EXOC4: variants seen among roughly 807,000 people sequenced by gnomAD.
EXOC4 encodes the protein exocyst complex component 4.
In EXOC4, 71 loss-of-function variants were observed where a neutral mutation model predicts 107.2. The observed-to-expected ratio is 0.66, with a 90% CI of 0.55 to 0.81. EXOC4 has a LOEUF of 0.81. Ranked by LOEUF, EXOC4 falls within the 30% of genes least tolerant of loss-of-function variation. The pLI is 0.00. For missense variants in EXOC4, 1,108 were observed against 1,189.6 expected (o/e 0.93, Z 1.01); for synonymous variants, 456 against 441.2 (o/e 1.03, Z -0.42).
chr7:133,864,178 G>A (rs1310265109), intron 11 of EXOC4, among the ~76,000 whole-genome samples: 1 of 152,112 alleles, frequency 6.6e-6, no homozygotes, highest in Non-Finnish European at 1.5e-5. Context: ...GATTTGACTA[G>A]GCCCACTTGT....
At chr7:133,784,028 A>C (rs970852116) in intron 10 of EXOC4, among the ~76,000 whole-genome samples, 23 of 152,132 alleles carry the variant, frequency 1.5e-4, no homozygotes, top group Non-Finnish European at 2.8e-4. Flanking sequence ...TAGTTTAAAA[A>C]CGTCTGTTTT....
At chr7:133,942,530 AGG>A (rs1800455017) in intron 14 of EXOC4, among the ~76,000 whole-genome samples, 2 of 152,178 alleles carry the variant, frequency 1.3e-5, no homozygotes, top group African/African-American at 4.8e-5. Context: ...AATTATTGTT[AGG>A]TATCTTAGAA....
At chr7:133,331,120 G>A (rs1795376750) in intron 5 of EXOC4, among the ~76,000 whole-genome samples, 1 of 152,130 alleles carries the variant, frequency 6.6e-6, no homozygotes, top group African/African-American at 2.4e-5. Flanking sequence ...AAAATGCAAA[G>A]TCAAGGCACA....
chr7:133,372,026 T>C (rs1796388175), intron 6 of EXOC4, among the ~76,000 whole-genome samples: 1 of 152,234 alleles, frequency 6.6e-6, no homozygotes. Flanking sequence ...GCCATTCATA[T>C]ATTTTCTTTG....
rs369367187 is a variant in EXOC4 at position 133,266,766 on chromosome 7, G to T, written c.87-8216G>T. 5.8e-4 allele frequency among the ~76,000 whole-genome samples: 88 copies of T among 152,282 alleles called. 3 individuals are homozygous for T. The South Asian group carries it at 0.018, about 32-fold the overall frequency. On this transcript the variant is annotated intron_variant, in intron 1 of 17. Transcript: ENST00000253861. ...ATGGCCATGTAAGATTTGTGACTTT[G>T]TCTGTTTTCAGAAGATTGTTAAGGA...
At chr7:133,861,262 T>G (rs935197060) in intron 11 of EXOC4, among the ~76,000 whole-genome samples, 3 of 152,156 alleles carry the variant, frequency 2.0e-5, no homozygotes, top group African/African-American at 7.2e-5. Context: ...GCATGAGAAT[T>G]GCCTGTGGAC....
chr7:133,478,113 G>C (rs368246971), intron 8 of EXOC4, among the ~76,000 whole-genome samples: 3 of 151,594 alleles, frequency 2.0e-5, no homozygotes, highest in Non-Finnish European at 4.4e-5. Flanking sequence ...GCCTAAGCAG[G>C]CCCTTTTCTT....
At chr7:133,257,238 C>T (rs56383136) in intron 1 of EXOC4, among the ~76,000 whole-genome samples, 4 of 67,428 alleles carry the variant, frequency 5.9e-5, no homozygotes, top group African/African-American at 3.4e-4. Context: ...TGGAACTAAC[C>T]GGGGGGGACA....
chr7:133,893,372 C>G (rs1393759768), intron 11 of EXOC4, among the ~76,000 whole-genome samples: 1 of 82,736 alleles, frequency 1.2e-5, no homozygotes, highest in Admixed American at 9.2e-5. Context: ...GGTCTTGACT[C>G]TTTATCGAAC....
intron 10 of EXOC4, among the ~76,000 whole-genome samples, chr7:133,767,445 A>T (rs564093664): frequency 6.6e-6 from 1 of 152,090 alleles, no homozygotes; most frequent in East Asian, 1.9e-4. Context: ...TTATATACAC[A>T]CACACACATA....
At chr7:133,654,475 A>G (rs749683093) in intron 10 of EXOC4, among the ~76,000 whole-genome samples, 11 of 152,194 alleles carry the variant, frequency 7.2e-5, no homozygotes, top group Non-Finnish European at 1.0e-4. Flanking sequence ...TGATATTGGT[A>G]CAGGTGGTGG....
chr7:133,894,311 A>G (rs1419938360), intron 11 of EXOC4, among the ~76,000 whole-genome samples: 1 of 94,324 alleles, frequency 1.1e-5, no homozygotes, highest in Non-Finnish European at 1.9e-5. Flanking sequence ...TGTATTGGTT[A>G]TTCTAGTTAT....
At chr7:133,602,184 G>A (rs1208740493) in intron 9 of EXOC4, among the ~76,000 whole-genome samples, 1 of 152,132 alleles carries the variant, frequency 6.6e-6, no homozygotes, top group Non-Finnish European at 1.5e-5. Context: ...ATGTAAAAGG[G>A]TTTTGGAATT....
chr7:133,721,627 G>A (rs1795106718), intron 10 of EXOC4, among the ~76,000 whole-genome samples: 1 of 152,148 alleles, frequency 6.6e-6, no homozygotes, highest in African/African-American at 2.4e-5. Flanking sequence ...TCTTTTTCAT[G>A]ACTTCCTAAT....
At chr7:133,461,074 G>C (rs1307096586) in intron 7 of EXOC4, among the ~76,000 whole-genome samples, 1 of 152,056 alleles carries the variant, frequency 6.6e-6, no homozygotes, top group Non-Finnish European at 1.5e-5. Context: ...AGGCTGAACT[G>C]GTCCTTGAAA....
chr7:134,076,378 C>A, the EXOC4 span, among the ~76,000 whole-genome samples: 1 of 152,016 alleles, frequency 6.6e-6, no homozygotes, highest in African/African-American at 2.4e-5. Context: ...ATTAGCTGGG[C>A]GTGGTGGCAG....
chr7:133,844,378 C>CATTTTTTTTTTT (rs1371732321), intron 11 of EXOC4, among the ~76,000 whole-genome samples: 1 of 83,346 alleles, frequency 1.2e-5, no homozygotes. Flanking sequence ...CCACATATTC[C>CATTTTTTTTTTT]TTTTTTTTTT....
chr7:133,525,716 G>A (rs1800066170), intron 9 of EXOC4, among the ~76,000 whole-genome samples: 2 of 152,228 alleles, frequency 1.3e-5, no homozygotes, highest in South Asian at 2.1e-4. Context: ...GAGTATAGGT[G>A]TAATTTTGAG....
At chr7:133,785,605 A>G (rs189475211) in intron 10 of EXOC4, among the ~76,000 whole-genome samples, 2 of 152,020 alleles carry the variant, frequency 1.3e-5, no homozygotes, top group Admixed American at 6.5e-5. Flanking sequence ...CAAGAATGCC[A>G]TTATTTCCAG....
Sources: gnomAD v4.1 joint callset for allele counts (sites outside exome capture counted in the v4.1 genomes callset) on GRCh38, gnomAD v4.1.1 for gene constraint, MANE v1.5 for transcripts, NCBI Gene and HGNC (gene_info 2026-07-23, HGNC 2026-07-21) for gene names.